TMED3: variants seen among roughly 807,000 people sequenced by gnomAD.
TMED3 encodes transmembrane emp24 domain-containing protein 3.
A neutral mutation model predicts 15.0 loss-of-function variants in TMED3; 9 were observed. That is an observed-to-expected ratio of 0.60 (90% CI 0.36 to 1.04). The LOEUF is 1.04. Ranked by LOEUF, TMED3 falls within the 50% of genes least tolerant of loss-of-function variation. The pLI is 0.01. For missense variants in TMED3, 267 were observed against 278.9 expected (o/e 0.96, Z 0.30); for synonymous variants, 117 against 121.4 (o/e 0.96, Z 0.24).
At position 79,311,307 on chromosome 15, in the gene TMED3, C is replaced by T. The variant is rs767474715; in HGVS notation, c.58C>T (p.Arg20Trp). ...SVLLLLLLLR[R>W]AEQPCGAELT... is the part of the protein sequence containing the mutation. ...GCTGCTTCTGCTGCTGCTCCTGCGCCGGGCCGAGCAGCCCTGCGGGGCCGA... is the reference window on the plus strand; with the variant it reads ...GCTGCTTCTGCTGCTGCTCCTGCGCTGGGCCGAGCAGCCCTGCGGGGCCGA... Residue 20 changes from arginine to tryptophan, a missense_variant, in exon 1 of 3, where the codon CGG becomes TGG. Arg to Trp is a moderately radical substitution (Grantham distance 101). Around this residue, in one of 3 missense-constraint regions of TMED3, gnomAD observed 59 missense variants for 47.0 expected, o/e 1.26. Coordinates refer to ENST00000299705, the MANE Select transcript of TMED3 (RefSeq NM_007364.4). The T allele has an allele frequency of 6.8e-6, 11 of 1,606,762 alleles. No individual in the cohort carries two copies. In the East Asian group the frequency reaches 9.0e-5, roughly 13 times the overall value.
At chr15:79,364,551 T>C (rs1461611061) in intron 2 of TMED3, among the ~76,000 whole-genome samples, 2 of 151,556 alleles carry the variant, frequency 1.3e-5, no homozygotes, top group Admixed American at 6.6e-5. Flanking sequence ...CCCAAAAAGT[T>C]GTCTTTTGGC....
chr15:79,314,061 T>A, intron 2 of TMED3, 56 bp downstream of exon 2: 1 of 1,595,774 alleles, frequency 6.3e-7, no homozygotes, highest in Non-Finnish European at 8.5e-7. Context: ...TTCCTCTTCA[T>A]TGGCCTCTGT....
At chr15:79,335,027 A>C (rs1457009028) in intron 2 of TMED3, among the ~76,000 whole-genome samples, 2 of 152,212 alleles carry the variant, frequency 1.3e-5, no homozygotes, top group Admixed American at 1.3e-4. Context: ...CTGTCTGAAA[A>C]ACAAATGGAA....
exon 3 of TMED3, chr15:79,413,617 A>C (rs908107137): frequency 7.2e-5 from 11 of 152,278 alleles, no homozygotes; most frequent in African/African-American, 2.7e-4. Flanking sequence ...ATTTGAACAT[A>C]GATCATGTGC....
chr15:79,321,769 G>A (rs759814675), intron 2 of TMED3, among the ~76,000 whole-genome samples: 3 of 152,214 alleles, frequency 2.0e-5, no homozygotes, highest in Non-Finnish European at 4.4e-5. Flanking sequence ...CATACTAACT[G>A]TGTGACTCTG....
chr15:79,384,469 G>C (rs911146464), intron 2 of TMED3: 2 of 152,296 alleles, frequency 1.3e-5, no homozygotes, highest in Admixed American at 6.5e-5. Context: ...TCAGACATGA[G>C]GCTGGAAATG....
At chr15:79,413,761 T>C (rs1810) in exon 3 of TMED3, 28 of 152,192 alleles carry the variant, frequency 1.8e-4, no homozygotes, top group Non-Finnish European at 4.4e-5. Flanking sequence ...ATCCCAGCAC[T>C]ATCTAGGGGT....
At chr15:79,334,217 G>T (rs2058819552) in intron 2 of TMED3, among the ~76,000 whole-genome samples, 1 of 152,184 alleles carries the variant, frequency 6.6e-6, no homozygotes, top group Admixed American at 6.5e-5. Flanking sequence ...AACCAGGAAA[G>T]AGCCATAGTC....
At position 79,322,561 on chromosome 15, in the gene TMED3, G is replaced by A; in HGVS notation, c.*347G>A. 1 of 1,095,422 alleles carries A rather than the reference G, an allele frequency of 9.1e-7. No homozygotes were observed. The highest frequency in any genetic ancestry group is 1.1e-6 in the Non-Finnish European group (1 of 900,240). 67.9% of individuals were successfully genotyped at this position (1,095,422 alleles called of 1,614,324 possible). ...GGCCTCTTGGGCAGCTTAGGGCCCTGCCTCTGTTTCATGATGCATGGGTCA... is the reference window on the plus strand; with the variant it reads ...GGCCTCTTGGGCAGCTTAGGGCCCTACCTCTGTTTCATGATGCATGGGTCA... On this transcript the variant is annotated 3_prime_UTR_variant, in exon 3 of 3. Coordinates refer to ENST00000299705, the MANE Select transcript of TMED3 (RefSeq NM_007364.4).
chr15:79,351,139 T>C (rs2058889716), intron 2 of TMED3, among the ~76,000 whole-genome samples: 1 of 152,202 alleles, frequency 6.6e-6, no homozygotes, highest in Non-Finnish European at 1.5e-5. Flanking sequence ...ATAGTTGCCA[T>C]CATGATAGGA....
At chr15:79,374,172 T>A (rs1893389277) in intron 2 of TMED3, among the ~76,000 whole-genome samples, 1 of 152,188 alleles carries the variant, frequency 6.6e-6, no homozygotes, top group Non-Finnish European at 1.5e-5. Flanking sequence ...AATAAATATA[T>A]TTTAGGGTAA....
At chr15:79,336,371 A>G (rs745415903) in intron 2 of TMED3, among the ~76,000 whole-genome samples, 2 of 152,114 alleles carry the variant, frequency 1.3e-5, no homozygotes, top group Non-Finnish European at 2.9e-5. Context: ...AACAAACTAC[A>G]TTAGGGCTGG....
intron 2 of TMED3, among the ~76,000 whole-genome samples, chr15:79,379,579 AGT>A (rs1893485700): frequency 6.6e-6 from 1 of 152,194 alleles, no homozygotes. Flanking sequence ...TGCGATGTAA[AGT>A]GTGGCTAAAA....
chr15:79,325,561 A>G (rs2058784193), downstream of TMED3, among the ~76,000 whole-genome samples: 1 of 152,186 alleles, frequency 6.6e-6, no homozygotes, highest in Non-Finnish European at 1.5e-5. Context: ...GGATATATGT[A>G]TATATGAAAG....
At chr15:79,330,292 A>C (rs184257671) in intron 2 of TMED3, among the ~76,000 whole-genome samples, 25 of 152,382 alleles carry the variant, frequency 1.6e-4, no homozygotes, top group Non-Finnish European at 3.4e-4. Flanking sequence ...GCAAAACCTA[A>C]AGACTCCACC....
intron 2 of TMED3, among the ~76,000 whole-genome samples, chr15:79,380,485 A>AGTTATGGTTATATATAGTTATATATT (rs1386022761): frequency 3.4e-5 from 5 of 147,340 alleles, no homozygotes; most frequent in Non-Finnish European, 6.0e-5. Flanking sequence ...AGTTATATAT[A>AGTTATGGTTATATATAGTTATATATT]GTTATAGTTA....
At chr15:79,367,830 C>T (rs1595902224) in intron 2 of TMED3, among the ~76,000 whole-genome samples, 1 of 152,174 alleles carries the variant, frequency 6.6e-6, no homozygotes, top group East Asian at 1.9e-4. Flanking sequence ...CAGGGTCTTA[C>T]AGATCAAAGG....
At chr15:79,403,443 A>C (rs1432745966) in intron 2 of TMED3, among the ~76,000 whole-genome samples, 1 of 151,886 alleles carries the variant, frequency 6.6e-6, no homozygotes, top group African/African-American at 2.4e-5. Context: ...AGGAACTCTA[A>C]CTTTTCTTAC....
At chr15:79,400,223 A>C (rs1268520379) in intron 2 of TMED3, among the ~76,000 whole-genome samples, 3 of 152,176 alleles carry the variant, frequency 2.0e-5, no homozygotes, top group African/African-American at 7.2e-5. Flanking sequence ...TTTAGTTCTC[A>C]GCTTCAATGT....
Sources: gnomAD v4.1 joint callset for allele counts (sites outside exome capture counted in the v4.1 genomes callset) on GRCh38, gnomAD v4.1.1 for gene constraint, gnomAD v4.1.1 regional missense constraint, MANE v1.5 for transcripts, NCBI Gene and HGNC (gene_info 2026-07-23, HGNC 2026-07-21) for gene names.